The following DLG2 variants were observed in gnomAD, a reference collection of about 807,000 sequenced individuals.
The protein encoded by DLG2 is discs large MAGUK scaffold protein 2, also known as disks large homolog 2.
DLG2 carries 45 observed loss-of-function variants against 132.5 expected under a neutral mutation model. The ratio of observed to expected loss-of-function variants is 0.34; its 90% CI spans 0.27 to 0.44. The LOEUF (loss-of-function observed/expected upper bound fraction) is 0.44, where lower values mean the gene tolerates loss of function less well. DLG2 is among the 20% of genes least tolerant of loss of function. The probability of loss-of-function intolerance (pLI) is 1.00; values close to 1 mark genes in which losing one functional copy is unlikely to be tolerated. For synonymous variants in DLG2, 424 were observed against 419.6 expected (o/e 1.01, Z -0.13); for missense variants, 1,045 against 1,196.9 (o/e 0.87, Z 1.87).
At chr11:84,705,321 G>A (rs2059672084) in intron 6 of DLG2, among the ~76,000 whole-genome samples, 1 of 151,612 alleles carries the variant, frequency 6.6e-6, no homozygotes, top group African/African-American at 2.4e-5. Flanking sequence ...CAGAAGACCA[G>A]AGCAACATGG....
At chr11:83,584,386 G>C (rs1233568204) in intron 19 of DLG2, among the ~76,000 whole-genome samples, 2 of 152,190 alleles carry the variant, frequency 1.3e-5, no homozygotes, top group African/African-American at 4.8e-5. Context: ...GCATAAGTGA[G>C]GGATTACTCT....
intron 7 of DLG2, among the ~76,000 whole-genome samples, chr11:84,445,954 T>C (rs1402163790): frequency 6.7e-6 from 1 of 149,674 alleles, no homozygotes; most frequent in East Asian, 2.0e-4. Flanking sequence ...TCTCAGTCAT[T>C]AACTCTTCAA....
chr11:84,028,494 T>A (rs1341813889), intron 11 of DLG2, among the ~76,000 whole-genome samples: 3 of 152,114 alleles, frequency 2.0e-5, no homozygotes, highest in Non-Finnish European at 4.4e-5. Context: ...TTTTTGAACA[T>A]GAGTGAGTGG....
In DLG2 at chr11:84,520,039, T is replaced by A. The variant is rs1045482839; in HGVS notation, c.519+14531A>T. 4.6e-5 allele frequency among the ~76,000 whole-genome samples: 7 copies of A among 152,318 alleles called. No homozygotes were observed. The East Asian group carries it at 1.3e-3, about 29-fold the overall frequency. On this transcript the variant is annotated intron_variant, in intron 7 of 27. Coordinates refer to ENST00000376104, the MANE Select transcript of DLG2 (RefSeq NM_001142699.3). ...ATTCAACATTCTCTTTCCTGAATCA[T>A]CTCTACAATATCTCATTGAAGATTT...
intron 8 of DLG2, among the ~76,000 whole-genome samples, chr11:84,217,480 C>T (rs930691989): frequency 3.3e-5 from 5 of 152,186 alleles, no homozygotes; most frequent in African/African-American, 1.2e-4. Context: ...CCTCCCCAGC[C>T]ACATGGAACT....
At chr11:83,562,350 A>T (rs1450597375) in intron 19 of DLG2, among the ~76,000 whole-genome samples, 3 of 151,946 alleles carry the variant, frequency 2.0e-5, no homozygotes, top group Non-Finnish European at 4.4e-5. Context: ...GTGCACTGAG[A>T]CTCACCCCTT....
chr11:84,096,429 C>A (rs1433613948), intron 10 of DLG2, among the ~76,000 whole-genome samples: 7 of 152,186 alleles, frequency 4.6e-5, no homozygotes, highest in African/African-American at 1.4e-4. Context: ...AGGCATGGGG[C>A]TGCCACCATG....
In DLG2 at chr11:85,298,659, T is replaced by A. The variant is rs556463471; in HGVS notation, c.41-13294A>T. Among the ~76,000 whole-genome samples the A allele has an allele frequency of 1.3e-4, 20 of 152,264 alleles. 1 individual carries two copies. Among genetic ancestry groups the A allele is most frequent in the African/African-American group, 3.8e-4 (16 of 41,564 alleles). On this transcript the variant is annotated intron_variant, in intron 3 of 27. Coordinates refer to ENST00000376104, the MANE Select transcript of DLG2 (RefSeq NM_001142699.3). ...AACTGGGACATCTGTTAATTTCCCA[T>A]TAATACCAATATTGGTAATATTGGT...
At chr11:84,516,722 C>T (rs574027263) in intron 7 of DLG2, among the ~76,000 whole-genome samples, 269 of 151,226 alleles carry the variant, frequency 1.8e-3, no homozygotes, top group African/African-American at 6.1e-3. Flanking sequence ...AGGACAGCAT[C>T]ACCCTGATAC....
chr11:84,766,175 C>T (rs1189768605), intron 6 of DLG2, among the ~76,000 whole-genome samples: 1 of 151,934 alleles, frequency 6.6e-6, no homozygotes, highest in African/African-American at 2.4e-5. Flanking sequence ...TACAGGAGAC[C>T]ACTGATCCCT....
At chr11:83,619,406 T>C (rs189349075) in intron 19 of DLG2, among the ~76,000 whole-genome samples, 89 of 152,216 alleles carry the variant, frequency 5.8e-4, no homozygotes, top group Non-Finnish European at 1.1e-3. Flanking sequence ...CTAGAAGCCA[T>C]GGAAATTAAG....
Position 85,551,091 on chromosome 11 carries a change from G to A in DLG2, c.40+47566C>T, listed in dbSNP as rs529056264. Among the ~76,000 whole-genome samples the A allele has an allele frequency of 3.3e-5, 5 of 152,306 alleles. No homozygotes were observed. The South Asian group carries it at 1.0e-3, about 32-fold the overall frequency. ...AATATGAGGTAAAGGAGGAAGTGAG[G>A]TAAACCAGATATATGTGTTTTGAAA... On this transcript the variant is annotated intron_variant, in intron 3 of 27. Coordinates refer to ENST00000376104, the MANE Select transcript of DLG2 (RefSeq NM_001142699.3).
At chr11:85,080,871 A>T (rs1297502101) in intron 6 of DLG2, among the ~76,000 whole-genome samples, 1 of 152,128 alleles carries the variant, frequency 6.6e-6, no homozygotes, top group Non-Finnish European at 1.5e-5. Context: ...CTATTTGACA[A>T]GCCTCCAGCA....
At chr11:84,794,934 T>C (rs909280248) in intron 6 of DLG2, among the ~76,000 whole-genome samples, 4 of 152,210 alleles carry the variant, frequency 2.6e-5, no homozygotes, top group East Asian at 1.9e-4. Context: ...GCACCATCGA[T>C]AGACAGCAGG....
chr11:83,867,455 T>A (rs950837111), intron 16 of DLG2, among the ~76,000 whole-genome samples: 7 of 152,188 alleles, frequency 4.6e-5, no homozygotes, highest in African/African-American at 1.7e-4. Context: ...GTGTTTTCAA[T>A]ACCTGCTTTA....
At chr11:84,830,238 G>A (rs2078855005) in intron 6 of DLG2, among the ~76,000 whole-genome samples, 1 of 151,526 alleles carries the variant, frequency 6.6e-6, no homozygotes, top group Non-Finnish European at 1.5e-5. Flanking sequence ...GAGGAGGCAA[G>A]TATGAATGAG....
intron 3 of DLG2, among the ~76,000 whole-genome samples, chr11:85,534,591 T>C (rs990643798): frequency 1.3e-5 from 2 of 152,174 alleles, no homozygotes; most frequent in Non-Finnish European, 2.9e-5. Context: ...AATAAGAACA[T>C]GTGATATTTG....
intron 4 of DLG2, among the ~76,000 whole-genome samples, chr11:85,279,881 G>A (rs1318262368): frequency 6.6e-6 from 1 of 152,074 alleles, no homozygotes; most frequent in Non-Finnish European, 1.5e-5. Flanking sequence ...AATATCCATG[G>A]AAGGAATTTT....
In DLG2 at chr11:84,768,744, T is replaced by C. The variant is rs564763189; in HGVS notation, c.358-234013A>G. Among the ~76,000 whole-genome samples the C allele has an allele frequency of 1.2e-3, 185 of 151,998 alleles. 1 individual carries two copies. The highest frequency in any genetic ancestry group is 4.2e-3 in the African/African-American group (176 of 41,484). On this transcript the variant is annotated intron_variant, in intron 6 of 27. Transcript: ENST00000376104. ...AAAAAATGTAGATGATTATTAGAAATTGGTGGATTCTACTCCCTCTCACCA... is the reference window on the plus strand; with the variant it reads ...AAAAAATGTAGATGATTATTAGAAACTGGTGGATTCTACTCCCTCTCACCA...
Sources: gnomAD v4.1 joint callset for allele counts (sites outside exome capture counted in the v4.1 genomes callset) on GRCh38, gnomAD v4.1.1 for gene constraint, MANE v1.5 for transcripts, NCBI Gene and HGNC (gene_info 2026-07-23, HGNC 2026-07-21) for gene names.